The following PRKCZ variants were observed in gnomAD, a reference collection of about 807,000 sequenced individuals.
The protein encoded by PRKCZ is protein kinase C zeta.
PRKCZ carries 33 observed loss-of-function variants against 79.5 expected under a neutral mutation model. That is an observed-to-expected ratio of 0.41 (90% CI 0.31 to 0.55). The LOEUF is 0.55. PRKCZ is among the 20% of genes least tolerant of loss of function. PRKCZ has a pLI of 0.19. For missense variants in PRKCZ, 578 were observed against 813.5 expected, an observed-to-expected ratio of 0.71 and a Z score of 3.52; for synonymous variants, 342 against 320.9, an observed-to-expected ratio of 1.07 and a Z score of -0.70.
chr1:2,106,012 A>C (rs1001381016), intron 4 of PRKCZ, among the ~76,000 whole-genome samples: 21 of 152,140 alleles, frequency 1.4e-4, no homozygotes, highest in Admixed American at 1.3e-4. Context: ...GGGAGGTGCC[A>C]CCTCATTTGC....
At chr1:2,148,309 A>G (rs915266117) in intron 7 of PRKCZ, among the ~76,000 whole-genome samples, 1 of 148,090 alleles carries the variant, frequency 6.8e-6, no homozygotes, top group Non-Finnish European at 1.5e-5. Flanking sequence ...CTATCCATCC[A>G]TCTATTGTCC....
At position 2,185,262 on chromosome 1, in the gene PRKCZ, C is replaced by A; in HGVS notation, c.*253C>A. ...TGCGTCGCGGCGGATCCGCGGGGAC[C>A]CTGCCGAGGGGGCTGTCATGCGGTT... On this transcript the variant is annotated 3_prime_UTR_variant, in exon 18 of 18. Coordinates refer to ENST00000378567, the MANE Select transcript of PRKCZ (RefSeq NM_002744.6). The A allele has an allele frequency of 1.4e-6, 1 of 715,210 alleles. No homozygotes were observed. The highest frequency in any genetic ancestry group is 2.6e-6 in the Non-Finnish European group (1 of 383,272). 44.3% of individuals were successfully genotyped at this position (715,210 alleles called of 1,614,324 possible).
chr1:2,159,772 A>G lies in PRKCZ; in HGVS notation c.974+3680A>G, dbSNP rs78143049. Among the ~76,000 whole-genome samples the G allele has an allele frequency of 4.1e-3, 619 of 152,262 alleles. 3 individuals carry two copies. The highest frequency in any genetic ancestry group is 0.014 in the African/African-American group (585 of 41,536). ...TAAGCACCTGCTTTATGGACAAACC[A>G]TACCCCATATCTACACAGACAGCCC... On this transcript the variant is annotated intron_variant, in intron 10 of 17. Coordinates refer to ENST00000378567, the MANE Select transcript of PRKCZ (RefSeq NM_002744.6).
At chr1:2,093,492 G>A (rs373919459) in intron 4 of PRKCZ, among the ~76,000 whole-genome samples, 26 of 152,282 alleles carry the variant, frequency 1.7e-4, no homozygotes, top group African/African-American at 6.0e-4. Context: ...CACTTCTCTG[G>A]AAGGCGAAAG....
At chr1:2,071,947 A>T (rs549074204) in intron 4 of PRKCZ, among the ~76,000 whole-genome samples, 4 of 152,342 alleles carry the variant, frequency 2.6e-5, no homozygotes, top group Non-Finnish European at 5.9e-5. Flanking sequence ...GCACGCTGAA[A>T]TCTGAATTTT....
At chr1:2,073,879 C>T (rs561115385) in intron 4 of PRKCZ, 27 of 1,163,836 alleles carry the variant, frequency 2.3e-5, no homozygotes, top group Admixed American at 1.7e-4. Context: ...GCACGCCCGC[C>T]GCGCACAGAG....
In PRKCZ at chr1:2,050,786, GGA is replaced by G; in HGVS notation, c.71+91_71+92del. On this transcript the variant is annotated intron_variant, in intron 1 of 17. Transcript: ENST00000378567. ...AGCCGTCGGGGCTCCTGCGCGAGAG[GGA>G]GAGAGGGAAGGGGCGGCGAGGTCGC... 3 of 923,710 alleles carry G rather than the reference GGA, an allele frequency of 3.2e-6. 1 individual carries two copies. In the South Asian group the frequency reaches 1.6e-4, roughly 50 times the overall value. The allele number at this position is 923,710 out of a possible 1,614,324, so 57.2% of individuals were successfully genotyped here. A position where few individuals can be genotyped will look rare whatever the true frequency, so the allele number is the denominator to read the frequency against.
chr1:2,056,178 C>T (rs1366352553), intron 2 of PRKCZ, among the ~76,000 whole-genome samples: 2 of 152,222 alleles, frequency 1.3e-5, no homozygotes, highest in African/African-American at 4.8e-5. Flanking sequence ...GCTCTCCCTC[C>T]GCCCAGGACT....
At chr1:2,147,943 T>C (rs1678985259) in intron 7 of PRKCZ, among the ~76,000 whole-genome samples, 2 of 145,112 alleles carry the variant, frequency 1.4e-5, no homozygotes, top group East Asian at 2.2e-4. Flanking sequence ...TCTATCCATC[T>C]ATCTATTGTC....
At position 2,075,562 on chromosome 1, in the gene PRKCZ, C is replaced by G. The variant is rs946634655; in HGVS notation, c.334+15971C>G. Among the ~76,000 whole-genome samples, 1 of 152,204 alleles carries G rather than the reference C, an allele frequency of 6.6e-6. No individual in the cohort carries two copies. Among genetic ancestry groups the G allele is most frequent in the Non-Finnish European group, 1.5e-5 (1 of 68,030 alleles). ...CCATCAGTGGGGGCCCTTCTCCGACCGTCTTCCTAGACTTCAGAGCCACTG... is the reference window on the plus strand; with the variant it reads ...CCATCAGTGGGGGCCCTTCTCCGACGGTCTTCCTAGACTTCAGAGCCACTG... On this transcript the variant is annotated intron_variant, in intron 4 of 17. Transcript: ENST00000378567. This position sits in a 1 kb window ranked among gnomAD's most constrained non-coding sequence, Gnocchi z 4.8.
chr1:2,170,314 G>A (rs1208666115), intron 11 of PRKCZ, among the ~76,000 whole-genome samples: 2 of 152,180 alleles, frequency 1.3e-5, no homozygotes, highest in Non-Finnish European at 2.9e-5. Flanking sequence ...CCGTTTGGGG[G>A]CTTATTTCAG....
At chr1:2,100,936 C>G (rs1667331239) in intron 4 of PRKCZ, among the ~76,000 whole-genome samples, 1 of 151,448 alleles carries the variant, frequency 6.6e-6, no homozygotes, top group Non-Finnish European at 1.5e-5. Context: ...CTCCTTCAGG[C>G]TGGGGCTCCT....
At position 2,123,487 on chromosome 1, in the gene PRKCZ, T is replaced by C. The variant is rs368764600; in HGVS notation, c.335-11775T>C. Among the ~76,000 whole-genome samples the C allele has an allele frequency of 4.5e-4, 3 of 6,674 alleles. 1 individual carries two copies. Among genetic ancestry groups the C allele is most frequent in the Non-Finnish European group, 4.3e-4 (2 of 4,650 alleles). The allele number at this position is 6,674 out of a possible 152,430, so 4.4% of individuals were successfully genotyped here. ...TGGTTAGGGTTGTGGTGGTTAGGGT[T>C]GTGGTGGTTAGGGTCGTGGCGGTGG... On this transcript the variant is annotated intron_variant, in intron 4 of 17. Coordinates refer to ENST00000378567, the MANE Select transcript of PRKCZ (RefSeq NM_002744.6).
intron 4 of PRKCZ, among the ~76,000 whole-genome samples, chr1:2,059,794 G>A (rs546825305): frequency 3.9e-5 from 6 of 152,212 alleles, no homozygotes; most frequent in African/African-American, 1.4e-4. Context: ...ACCACATGGC[G>A]GGGGACTCGC....
chr1:2,144,206 G>A lies in PRKCZ; in HGVS notation c.421-4G>A. ...TGGGCCTGACGCTCTGTTCCCACCT[G>A]CAGAGAGCGTACTGCGGTCAGTGCA... On this transcript the variant is annotated splice_region_variant and splice_polypyrimidine_tract_variant and intron_variant, in intron 5 of 17. Coordinates refer to ENST00000378567, the MANE Select transcript of PRKCZ (RefSeq NM_002744.6). The A allele has an allele frequency of 6.4e-7, 1 of 1,551,656 alleles. No individual in the cohort carries two copies. The highest frequency in any genetic ancestry group is 8.7e-7 in the Non-Finnish European group (1 of 1,146,956).
At chr1:2,109,880 G>A (rs1490199549) in intron 4 of PRKCZ, among the ~76,000 whole-genome samples, 1 of 152,242 alleles carries the variant, frequency 6.6e-6, no homozygotes, top group East Asian at 1.9e-4. Flanking sequence ...GGCCAGGGCA[G>A]TGGGGTGGAC....
In PRKCZ at chr1:2,073,587, T is replaced by C. The variant is rs942955674; in HGVS notation, c.334+13996T>C. 3.1e-6 allele frequency: 3 copies of C among 981,294 alleles called. No individual in the cohort carries two copies. The African/African-American group carries it at 5.3e-5, about 17-fold the overall frequency. 60.8% of individuals were successfully genotyped at this position (981,294 alleles called of 1,614,324 possible). ...TGCCCGCCCGCTCTCTGGACTGTGC[T>C]GATGCAGAGATGCTTGTTTTCCTGT... On this transcript the variant is annotated intron_variant, in intron 4 of 17. Transcript: ENST00000378567.
chr1:2,121,684 T>A lies in PRKCZ; in HGVS notation c.335-13578T>A, dbSNP rs1279477150. On this transcript the variant is annotated intron_variant, in intron 4 of 17. Coordinates refer to ENST00000378567, the MANE Select transcript of PRKCZ (RefSeq NM_002744.6). The stretch of plus-strand genomic sequence containing the variant: ...GTTAGGGTCGTGGTGGTGGTTAGGG[T>A]CACGGTGGTGGTTAGGGTCACGGTG... Among the ~76,000 whole-genome samples, 7 of 119,978 alleles carry A rather than the reference T, an allele frequency of 5.8e-5. 1 individual carries two copies. Among genetic ancestry groups the A allele is most frequent in the African/African-American group, 2.5e-4 (7 of 27,674 alleles). 78.7% of individuals were successfully genotyped at this position (119,978 alleles called of 152,430 possible). A position where few individuals can be genotyped will look rare whatever the true frequency, so the allele number is the denominator to read the frequency against.
chr1:2,144,095 C>T (rs902093369), intron 5 of PRKCZ, 115 bp from the exon 6 acceptor site: 14 of 1,417,750 alleles, frequency 9.9e-6, no homozygotes, highest in Admixed American at 2.4e-5. Flanking sequence ...CCGGGGCCAC[C>T]TGTTGCCCGG....
Sources: gnomAD v4.1 joint callset for allele counts (sites outside exome capture counted in the v4.1 genomes callset) on GRCh38, gnomAD v4.1.1 for gene constraint, Gnocchi (gnomAD v3.1) non-coding constraint, MANE v1.5 for transcripts, NCBI Gene and HGNC (gene_info 2026-07-23, HGNC 2026-07-21) for gene names.